Variants in TET3 observed in about 807,000 individuals in gnomAD.
The protein encoded by TET3 is methylcytosine dioxygenase TET3.
In TET3, 19 loss-of-function variants were observed where a neutral mutation model predicts 141.4. The ratio of observed to expected loss-of-function variants is 0.13; its 90% confidence interval spans 0.09 to 0.20. TET3 has a LOEUF of 0.20. Ranked by LOEUF, TET3 falls within the 10% of genes least tolerant of loss-of-function variation. The pLI is 1.00. For missense variants in TET3, 1,874 were observed against 2,356.9 expected (o/e 0.80, Z 4.24); for synonymous variants, 1,043 against 980.9 (o/e 1.06, Z -1.18).
intron 3 of TET3, among the ~76,000 whole-genome samples, chr2:74,015,435 C>G (rs1473474719): frequency 6.6e-6 from 1 of 152,202 alleles, no homozygotes; most frequent in Non-Finnish European, 1.5e-5. Context: ...ATATATCTTT[C>G]CAGACTTAAA....
downstream of TET3, among the ~76,000 whole-genome samples, chr2:74,111,502 A>T (rs1190399681): frequency 6.6e-6 from 1 of 152,078 alleles, no homozygotes; most frequent in Non-Finnish European, 1.5e-5. Flanking sequence ...TTTATTAGCA[A>T]CCCACATTGT....
intron 4 of TET3, among the ~76,000 whole-genome samples, chr2:74,049,087 G>A (rs2103710476): frequency 6.6e-6 from 1 of 152,290 alleles, no homozygotes; most frequent in Admixed American, 6.5e-5. Context: ...CATGAGCCAG[G>A]CAAGAAATGA....
At chr2:74,019,613 A>G (rs1337433077) in intron 3 of TET3, among the ~76,000 whole-genome samples, 1 of 152,190 alleles carries the variant, frequency 6.6e-6, no homozygotes, top group Non-Finnish European at 1.5e-5. Flanking sequence ...AATCCTTTTA[A>G]TAAACGCCGT....
the TET3 span, among the ~76,000 whole-genome samples, chr2:74,130,202 G>A: frequency 1.3e-5 from 2 of 151,890 alleles, no homozygotes; most frequent in African/African-American, 4.8e-5. Flanking sequence ...AAAAGAACCC[G>A]TCGGGCATCT....
At chr2:74,025,362 C>G (rs868057826) in intron 3 of TET3, among the ~76,000 whole-genome samples, 2 of 149,816 alleles carry the variant, frequency 1.3e-5, no homozygotes, top group Non-Finnish European at 1.5e-5. Flanking sequence ...GATCTCGGCT[C>G]ACTGCAAGCT....
downstream of TET3, among the ~76,000 whole-genome samples, chr2:74,109,095 T>C (rs1691641461): frequency 6.6e-6 from 1 of 152,174 alleles, no homozygotes; most frequent in Non-Finnish European, 1.5e-5. Context: ...CTTTCCTCCT[T>C]GAGTTGGAAG....
chr2:74,117,059 G>T, the TET3 span, among the ~76,000 whole-genome samples: 2 of 152,150 alleles, frequency 1.3e-5, no homozygotes, highest in Non-Finnish European at 2.9e-5. Context: ...AACCCAGTGG[G>T]AACTCTGATT....
intron 4 of TET3, among the ~76,000 whole-genome samples, chr2:74,069,365 A>G (rs1038014738): frequency 1.3e-5 from 2 of 148,728 alleles, no homozygotes; most frequent in Non-Finnish European, 3.0e-5. Flanking sequence ...GTATTATTCT[A>G]TCTTGTATGC....
intron 3 of TET3, among the ~76,000 whole-genome samples, chr2:74,036,695 G>A (rs775640049): frequency 6.6e-5 from 10 of 152,158 alleles, no homozygotes; most frequent in Non-Finnish European, 1.2e-4. Flanking sequence ...GTGAATGTGC[G>A]ACAATTTGCA....
chr2:74,100,291 T>C (rs1357553500), intron 11 of TET3, 102 bp from the exon 12 acceptor site: 4 of 1,256,398 alleles, frequency 3.2e-6, no homozygotes, highest in Admixed American at 4.4e-5. Flanking sequence ...AGAGGAAACA[T>C]CCCTGGGAAA....
rs945758590 is a variant in TET3, at chr2:74,048,205, G to A, written c.2288G>A (p.Gly763Glu). The A allele has an allele frequency of 1.2e-6, 2 of 1,612,686 alleles. No homozygotes were observed. Among genetic ancestry groups the A allele is most frequent in the Non-Finnish European group, 8.5e-7 (1 of 1,179,404 alleles). Reference protein sequence around the residue: ...SPKQIKIESSGAVTVLSTTCF... With the variant: ...SPKQIKIESSEAVTVLSTTCF... Reference sequence around the variant, plus strand: ...AAGCAAATCAAGATTGAGTCTTCGGGGGCTGTGACTGTGCTCTCAACCACC... The same window carrying A: ...AAGCAAATCAAGATTGAGTCTTCGGAGGCTGTGACTGTGCTCTCAACCACC... Residue 763 changes from glycine (G) to glutamate (E), a missense_variant, in exon 4 of 12, where the codon GGG (glycine) becomes GAG (glutamate). This residue lies in a region of TET3 where 83 missense variants were observed against 107.0 expected (regional missense o/e 0.78). Coordinates refer to ENST00000409262, the MANE Select transcript of TET3 (RefSeq NM_001287491.2).
At chr2:74,066,392 G>GTA (rs532572205) in intron 4 of TET3, among the ~76,000 whole-genome samples, 18 of 152,132 alleles carry the variant, frequency 1.2e-4, no homozygotes, top group African/African-American at 1.4e-4. Context: ...TGGTGGTAGT[G>GTA]TATATATATA....
intron 10 of TET3, among the ~76,000 whole-genome samples, chr2:74,096,671 G>T (rs900950390): frequency 1.3e-5 from 2 of 152,064 alleles, no homozygotes; most frequent in Admixed American, 1.3e-4. Context: ...GGGAGGCTGA[G>T]GCAGGAGAAT....
chr2:74,056,494 C>T (rs1688219811), intron 4 of TET3, among the ~76,000 whole-genome samples: 1 of 151,978 alleles, frequency 6.6e-6, no homozygotes, highest in South Asian at 2.1e-4. Flanking sequence ...ATTTTGCTCT[C>T]CTGAGCTCTC....
the TET3 span, among the ~76,000 whole-genome samples, chr2:74,126,500 A>ATTTTTTTTTTTTTTTTTTTTTTTTT: frequency 8.3e-6 from 1 of 120,986 alleles, no homozygotes; most frequent in African/African-American, 3.3e-5. Flanking sequence ...TATTTGCTGG[A>ATTTTTTTTTTTTTTTTTTTTTTTTT]TTTTTTTTTT....
intron 8 of TET3, among the ~76,000 whole-genome samples, chr2:74,092,433 G>C (rs1690553605): frequency 6.6e-6 from 1 of 152,016 alleles, no homozygotes; most frequent in South Asian, 2.1e-4. Flanking sequence ...ACAGGCTCTG[G>C]GCTGGGCTGG....
At chr2:74,021,694 C>T (rs1221513143) in intron 3 of TET3, among the ~76,000 whole-genome samples, 1 of 152,184 alleles carries the variant, frequency 6.6e-6, no homozygotes, top group Non-Finnish European at 1.5e-5. Context: ...CTGGTGGGAC[C>T]TGGGAATCTG....
chr2:73,995,069 C>T (rs931112540), intron 2 of TET3, among the ~76,000 whole-genome samples: 11 of 152,184 alleles, frequency 7.2e-5, no homozygotes, highest in Non-Finnish European at 1.0e-4. Context: ...AAGTGATTCT[C>T]CTGCCTCAGC....
chr2:74,044,283 AATTTATAG>A (rs1051716007), intron 3 of TET3, among the ~76,000 whole-genome samples: 1 of 152,222 alleles, frequency 6.6e-6, no homozygotes, highest in Admixed American at 6.5e-5. Context: ...AGAATTTAAA[AATTTATAG>A]AAAAATAGCA....
Sources: allele counts gnomAD v4.1 joint callset (sites outside exome capture counted in the v4.1 genomes callset), GRCh38; gene constraint gnomAD v4.1.1; regional missense constraint gnomAD v4.1.1; transcripts MANE v1.5; gene names NCBI Gene and HGNC (gene_info 2026-07-23, HGNC 2026-07-21).